NRXN1: variants seen among roughly 807,000 people sequenced by gnomAD.
NRXN1 encodes neurexin 1.
In NRXN1, 39 loss-of-function variants were observed where a neutral mutation model predicts 150.9. That is an observed-to-expected ratio of 0.26 (90% confidence interval 0.20 to 0.34). The LOEUF is 0.34. Among genes scored for constraint, NRXN1 ranks in the 10% least tolerant of loss-of-function variants. The probability of loss-of-function intolerance (pLI) is 1.00; values close to 1 mark genes in which losing one functional copy is unlikely to be tolerated. For synonymous variants in NRXN1, 924 were observed against 757.0 expected (o/e 1.22, Z -3.62); for missense variants, 1,815 against 1,949.9 (o/e 0.93, Z 1.30).
chr2:50,423,134 C>T (rs1426876413), intron 17 of NRXN1, among the ~76,000 whole-genome samples: 1 of 152,134 alleles, frequency 6.6e-6, no homozygotes, highest in African/African-American at 2.4e-5. Flanking sequence ...AAACATATTC[C>T]TTTCCTGTCT....
At position 50,932,809 on chromosome 2, in the gene NRXN1, T is replaced by C. The variant is rs143092291; in HGVS notation, c.773-6854A>G. Among the ~76,000 whole-genome samples, 647 of 151,982 alleles carry C rather than the reference T, an allele frequency of 4.3e-3. 2 individuals are homozygous for C. Among genetic ancestry groups the C allele is most frequent in the African/African-American group, 0.015 (626 of 41,478 alleles). On this transcript the variant is annotated intron_variant, in intron 2 of 22. Coordinates refer to ENST00000401669, the MANE Select transcript of NRXN1 (RefSeq NM_001330078.2). ...TATCACTTTTTTTTCTTAACAGCAA[T>C]AGAATAAATGAGTAAGAAGACTGTG...
intron 21 of NRXN1, among the ~76,000 whole-genome samples, chr2:49,954,612 T>G (rs1370596428): frequency 3.3e-5 from 5 of 152,160 alleles, no homozygotes; most frequent in African/African-American, 1.2e-4. Flanking sequence ...ACTGAATCTC[T>G]AAGTGTAATT....
At chr2:50,107,539 A>ATATTT (rs59921941) in intron 18 of NRXN1, among the ~76,000 whole-genome samples, 24 of 129,874 alleles carry the variant, frequency 1.8e-4, no homozygotes, top group South Asian at 5.1e-4. Context: ...ATATATATAT[A>ATATTT]TTTTTTTTTT....
chr2:50,848,148 A>G (rs1425593816), intron 5 of NRXN1, among the ~76,000 whole-genome samples: 1 of 152,108 alleles, frequency 6.6e-6, no homozygotes, highest in Non-Finnish European at 1.5e-5. Context: ...AGACACTGCC[A>G]TGGGGTCAGA....
At chr2:50,457,644 A>T (rs749306779) in intron 17 of NRXN1, among the ~76,000 whole-genome samples, 5 of 152,142 alleles carry the variant, frequency 3.3e-5, no homozygotes, top group Non-Finnish European at 5.9e-5. Flanking sequence ...TTGAATTTTT[A>T]AAATGGGCAA....
chr2:50,581,565 G>C (rs1169229622), intron 8 of NRXN1, among the ~76,000 whole-genome samples: 3 of 152,146 alleles, frequency 2.0e-5, no homozygotes, highest in Non-Finnish European at 2.9e-5. Context: ...TCTTAAACAA[G>C]AGTTTTCTGT....
At chr2:50,106,059 T>C (rs1200674881) in intron 18 of NRXN1, among the ~76,000 whole-genome samples, 2 of 151,964 alleles carry the variant, frequency 1.3e-5, no homozygotes, top group Non-Finnish European at 2.9e-5. Context: ...CTCTACCATT[T>C]AACCCCTCTC....
At chr2:50,972,545 T>C (rs1041903089) in intron 2 of NRXN1, among the ~76,000 whole-genome samples, 7 of 152,168 alleles carry the variant, frequency 4.6e-5, no homozygotes, top group African/African-American at 1.7e-4. Flanking sequence ...ACTTTATTTC[T>C]ATTATTATTA....
At chr2:50,478,890 C>T (rs528566441) in intron 15 of NRXN1, among the ~76,000 whole-genome samples, 19 of 152,294 alleles carry the variant, frequency 1.2e-4, no homozygotes, top group Middle Eastern at 6.8e-3. Flanking sequence ...GCCAATATTT[C>T]TGACATTTGT....
chr2:50,095,433 A>G (rs1464968899), intron 18 of NRXN1, among the ~76,000 whole-genome samples: 1 of 152,166 alleles, frequency 6.6e-6, no homozygotes, highest in Admixed American at 6.5e-5. Flanking sequence ...CTTATCCAGG[A>G]TACACTGGAA....
chr2:50,858,804 C>A (rs1332933974), intron 5 of NRXN1, among the ~76,000 whole-genome samples: 1 of 152,020 alleles, frequency 6.6e-6, no homozygotes, highest in Non-Finnish European at 1.5e-5. Context: ...TAAAATTGCA[C>A]AATTTTATCT....
At chr2:50,582,499 A>AG (rs1672430179) in intron 8 of NRXN1, among the ~76,000 whole-genome samples, 1 of 150,666 alleles carries the variant, frequency 6.6e-6, no homozygotes, top group Admixed American at 6.7e-5. Flanking sequence ...AAAAAAAAAA[A>AG]AAAAATTATT....
rs6704933 is a variant in NRXN1 at position 50,472,752 on chromosome 2, T to C, written c.3071-281A>G. ...GGGCTAGCTATAGAGATGCATACCC[T>C]TGCGTGGAAATCCAGGCCTGGTTAT... is the stretch of plus-strand genomic sequence containing the variant. On this transcript the variant is annotated intron_variant, in intron 15 of 22. Transcript: ENST00000401669. Among the ~76,000 whole-genome samples, 84,490 of 150,786 alleles carry C rather than the reference T, an allele frequency of 0.56. 24,066 individuals are homozygous for C. Among genetic ancestry groups the C allele is most frequent in the African/African-American group, 0.6 (24,811 of 41,012 alleles).
chr2:50,515,589 T>A (rs2105076900), intron 12 of NRXN1, among the ~76,000 whole-genome samples: 1 of 142,838 alleles, frequency 7.0e-6, no homozygotes, highest in African/African-American at 2.9e-5. Flanking sequence ...AAACATTCAT[T>A]AAATGCTTGG....
chr2:50,962,649 A>T (rs1393344389), intron 2 of NRXN1, among the ~76,000 whole-genome samples: 7 of 151,650 alleles, frequency 4.6e-5, no homozygotes, highest in Non-Finnish European at 8.9e-5. Context: ...ATGGTGACTT[A>T]ACTATTAGTT....
At chr2:50,097,671 C>T (rs1030345827) in intron 18 of NRXN1, among the ~76,000 whole-genome samples, 1 of 151,142 alleles carries the variant, frequency 6.6e-6, no homozygotes, top group African/African-American at 2.4e-5. Context: ...TGGAGTTTCA[C>T]TCTTATTGCC....
chr2:50,499,931 G>C (rs1179869016), intron 13 of NRXN1, among the ~76,000 whole-genome samples: 1 of 135,782 alleles, frequency 7.4e-6, no homozygotes, highest in African/African-American at 3.0e-5. Context: ...CTGGGCAACA[G>C]AGCAAGACTC....
intron 5 of NRXN1, among the ~76,000 whole-genome samples, chr2:50,871,959 T>C (rs1472795284): frequency 1.3e-5 from 2 of 151,858 alleles, no homozygotes; most frequent in African/African-American, 2.4e-5. Context: ...TATGCTTATG[T>C]ATTTTAATGT....
intron 18 of NRXN1, among the ~76,000 whole-genome samples, chr2:50,234,605 A>G (rs893931584): frequency 6.6e-6 from 1 of 152,086 alleles, no homozygotes; most frequent in African/African-American, 2.4e-5. Context: ...GAGAAAGAAA[A>G]TTTAATTTGA....
Sources: allele counts gnomAD v4.1 joint callset (sites outside exome capture counted in the v4.1 genomes callset), GRCh38; gene constraint gnomAD v4.1.1; transcripts MANE v1.5; gene names NCBI Gene and HGNC (gene_info 2026-07-23, HGNC 2026-07-21).